The following FBLN2 variants were observed in gnomAD, a reference collection of about 807,000 sequenced individuals.
FBLN2 encodes the protein fibulin 2, also known as fibulin-2.
FBLN2 carries 81 observed loss-of-function variants against 123.7 expected under a neutral mutation model. That is an observed-to-expected ratio of 0.65 (90% CI 0.55 to 0.79). The LOEUF (loss-of-function observed/expected upper bound fraction) is 0.79, where lower values mean the gene tolerates loss of function less well. Ranked by LOEUF, FBLN2 falls within the 30% of genes least tolerant of loss-of-function variation. FBLN2 has a pLI of 0.00. For synonymous variants in FBLN2, 699 were observed against 701.4 expected, an observed-to-expected ratio of 1.00 and a Z score of 0.05; for missense variants, 1,603 against 1,681.3, an observed-to-expected ratio of 0.95 and a Z score of 0.81.
chr3:13,552,150 G>A (rs573441794), intron 1 of FBLN2, among the ~76,000 whole-genome samples: 1 of 152,206 alleles, frequency 6.6e-6, no homozygotes, highest in East Asian at 1.9e-4. Flanking sequence ...TTGGGGAGGG[G>A]TGGGGTCTAA....
intron 15 of FBLN2, 95 bp downstream of exon 15, chr3:13,630,910 A>G: frequency 3.1e-6 from 3 of 963,614 alleles, no homozygotes; most frequent in Non-Finnish European, 4.8e-6. Flanking sequence ...ATGGACACAG[A>G]AAGGTTTTAG....
chr3:13,598,649 T>C lies in FBLN2; in HGVS notation c.1307-9413T>C, dbSNP rs551782373. The stretch of plus-strand genomic sequence containing the variant: ...GATGTGAGCTTTACATGAGATGATA[T>C]ACACCAAGAGCCTGAAGTATTTCAC... On this transcript the variant is annotated intron_variant, in intron 2 of 17. Coordinates refer to ENST00000404922, the MANE Select transcript of FBLN2 (RefSeq NM_001004019.2). 6.4e-4 allele frequency among the ~76,000 whole-genome samples: 98 copies of C among 152,314 alleles called. 1 individual carries two copies. Among genetic ancestry groups the C allele is most frequent in the Admixed American group, 3.9e-3 (59 of 15,310 alleles).
At chr3:13,615,258 G>T (rs144418462) in intron 5 of FBLN2, among the ~76,000 whole-genome samples, 2 of 152,360 alleles carry the variant, frequency 1.3e-5, no homozygotes, top group South Asian at 2.1e-4. Flanking sequence ...GGCTGGTGCC[G>T]TGAGAGTCCT....
At chr3:13,636,014 C>G (rs13097634) in intron 16 of FBLN2, among the ~76,000 whole-genome samples, 107,378 of 151,528 alleles carry the variant, frequency 0.71, 38,192 homozygotes, top group East Asian at 0.84. Flanking sequence ...AGATGAGAAG[C>G]CTCCAGCAGT....
intron 4 of FBLN2, among the ~76,000 whole-genome samples, chr3:13,613,740 G>T (rs1194528943): frequency 1.3e-5 from 2 of 152,190 alleles, no homozygotes; most frequent in Non-Finnish European, 2.9e-5. Flanking sequence ...AGTGTGGCTG[G>T]GGGGTTATAG....
Position 13,559,574 on chromosome 3 carries a change from G to A in FBLN2, c.-42+10366G>A, listed in dbSNP as rs148013268. Among the ~76,000 whole-genome samples the A allele has an allele frequency of 3.7e-3, 559 of 152,288 alleles. 8 individuals are homozygous for A. The highest frequency in any genetic ancestry group is 0.013 in the African/African-American group (539 of 41,556). On this transcript the variant is annotated intron_variant, in intron 1 of 17. Transcript: ENST00000404922. ...TGCTGTTGCAAGGGGAATGGGAAGT[G>A]CTGATTGGAGCTCCAGCAGGGTGAT...
At chr3:13,585,745 C>T (rs778393379) in intron 2 of FBLN2, among the ~76,000 whole-genome samples, 6 of 152,190 alleles carry the variant, frequency 3.9e-5, no homozygotes, top group Non-Finnish European at 8.8e-5. Flanking sequence ...GAGCCAAGAT[C>T]GCACCATTGC....
At position 13,614,015 on chromosome 3, in the gene FBLN2, G is replaced by T. The variant is rs377154542; in HGVS notation, c.1580G>T (p.Arg527Leu). ...TGTGACTGCTGTGGCCTGGGCCTCC[G>T]CGTGCGGGCCGAGGGCCAGTCGTGT... is the stretch of plus-strand genomic sequence containing the variant. The part of the protein sequence containing the change: ...QCCDCCGLGL[R>L]VRAEGQSCES... The change falls in exon 5 of 18, where the codon CGC (arginine) becomes CTC (leucine). Residue 527 changes from arginine to leucine, a missense_variant. Transcript: ENST00000404922. 6.2e-7 allele frequency: 1 copy of T among 1,613,122 alleles called. No homozygotes were observed. The highest frequency in any genetic ancestry group is 8.5e-7 in the Non-Finnish European group (1 of 1,179,850).
chr3:13,600,836 A>G (rs2124870048), intron 2 of FBLN2, among the ~76,000 whole-genome samples: 1 of 152,232 alleles, frequency 6.6e-6, no homozygotes, highest in African/African-American at 2.4e-5. Flanking sequence ...GGTTGGTCTC[A>G]AACTCCTGAC....
chr3:13,630,578 G>T, intron 14 of FBLN2, 121 bp from the exon 15 acceptor site: 3 of 751,892 alleles, frequency 4.0e-6, no homozygotes, highest in Non-Finnish European at 6.5e-6. Context: ...GCTGGCCCTC[G>T]CATAGGTCAA....
At chr3:13,624,810 G>T (rs1209820611) in intron 9 of FBLN2, among the ~76,000 whole-genome samples, 1 of 152,280 alleles carries the variant, frequency 6.6e-6, no homozygotes, top group African/African-American at 2.4e-5. Flanking sequence ...GTGTGGAATG[G>T]ATGGATAAGC....
intron 11 of FBLN2, among the ~76,000 whole-genome samples, 180 bp from the exon 12 acceptor site, chr3:13,628,725 G>C (rs1049871178): frequency 1.3e-5 from 2 of 152,146 alleles, no homozygotes; most frequent in African/African-American, 4.8e-5. Flanking sequence ...AGGTGCTTGG[G>C]TTCTGGGAGG....
At chr3:13,622,318 A>G (rs1013693875) in intron 9 of FBLN2, among the ~76,000 whole-genome samples, 9 of 152,172 alleles carry the variant, frequency 5.9e-5, no homozygotes, top group Non-Finnish European at 1.0e-4. Flanking sequence ...GTCTTCCCCC[A>G]GCTGTGGTTT....
At chr3:13,584,006 T>C (rs1704419674) in intron 2 of FBLN2, among the ~76,000 whole-genome samples, 2 of 152,160 alleles carry the variant, frequency 1.3e-5, no homozygotes, top group Admixed American at 1.3e-4. Flanking sequence ...GAAGCAGCAC[T>C]AGAAGTCTGG....
chr3:13,619,655 C>A, intron 7 of FBLN2, 75 bp from the exon 8 acceptor site: 1 of 1,257,444 alleles, frequency 8.0e-7, no homozygotes. Flanking sequence ...AGGTTAGAGC[C>A]AGGGATGGGG....
chr3:13,582,879 T>A (rs948124709), intron 2 of FBLN2, among the ~76,000 whole-genome samples: 1 of 152,210 alleles, frequency 6.6e-6, no homozygotes, highest in Non-Finnish European at 1.5e-5. Context: ...TTCAAACAGA[T>A]GTAGATGTGT....
intron 1 of FBLN2, among the ~76,000 whole-genome samples, chr3:13,563,523 G>A (rs1703665444): frequency 6.6e-6 from 1 of 152,092 alleles, no homozygotes; most frequent in Admixed American, 6.5e-5. Context: ...ATGCAGTCTT[G>A]CCCAGCTCCC....
intron 1 of FBLN2, among the ~76,000 whole-genome samples, chr3:13,557,159 T>A (rs1225662190): frequency 6.6e-6 from 1 of 152,210 alleles, no homozygotes; most frequent in Non-Finnish European, 1.5e-5. Flanking sequence ...CAGTCAGCTG[T>A]GGCTGGGGAG....
chr3:13,629,376 A>C, intron 13 of FBLN2, 84 bp downstream of exon 13: 1 of 1,465,900 alleles, frequency 6.8e-7, no homozygotes. Context: ...CATGCCCAGC[A>C]CCTCCACTGC....
Sources: allele counts gnomAD v4.1 joint callset (sites outside exome capture counted in the v4.1 genomes callset), GRCh38; gene constraint gnomAD v4.1.1; transcripts MANE v1.5; gene names NCBI Gene and HGNC (gene_info 2026-07-23, HGNC 2026-07-21).